UBE2Q2: variants seen among roughly 807,000 people sequenced by gnomAD.
UBE2Q2 encodes the protein ubiquitin conjugating enzyme E2 Q2.
In UBE2Q2, 54 loss-of-function variants were observed where a neutral mutation model predicts 59.9. That is an observed-to-expected ratio of 0.90 (90% CI 0.72 to 1.13). UBE2Q2 has a LOEUF of 1.13. UBE2Q2 is among the 50% of genes most tolerant of loss of function. UBE2Q2 has a pLI of 0.00. For missense variants in UBE2Q2, 433 were observed against 441.9 expected (o/e 0.98, Z 0.18); for synonymous variants, 165 against 155.2 (o/e 1.06, Z -0.47).
At position 75,890,941 on chromosome 15, in the gene UBE2Q2, T is replaced by C; in HGVS notation, c.956T>C (p.Ile319Thr). 1 of 1,612,902 alleles carries C rather than the reference T, an allele frequency of 6.2e-7. No individual in the cohort carries two copies. Among genetic ancestry groups the C allele is most frequent in the Non-Finnish European group, 8.5e-7 (1 of 1,179,906 alleles). ...TAGGGCTGGAGCAGTGCCTACTCAA[T>C]AGAATCGGTCATCATGCAAATAAAT... ...TKQGWSSAYSIESVIMQINAT... is the reference protein window; with the variant it reads ...TKQGWSSAYSTESVIMQINAT... The change falls in exon 11 of 13, where the codon ATA becomes ACA. Residue 319 changes from isoleucine to threonine, a missense_variant. Transcript: ENST00000267938.
intron 3 of UBE2Q2, among the ~76,000 whole-genome samples, chr15:75,867,988 A>T (rs1002069497): frequency 1.3e-5 from 2 of 152,238 alleles, no homozygotes; most frequent in Non-Finnish European, 2.9e-5. Flanking sequence ...GCAGATTTAA[A>T]GGAAATACAA....
At chr15:75,885,594 C>T (rs1383124331) in intron 9 of UBE2Q2, among the ~76,000 whole-genome samples, 1 of 152,178 alleles carries the variant, frequency 6.6e-6, no homozygotes, top group Non-Finnish European at 1.5e-5. Context: ...GGCTTACTCT[C>T]TGGGAAAGGC....
intron 3 of UBE2Q2, among the ~76,000 whole-genome samples, chr15:75,863,862 G>C (rs768435929): frequency 6.6e-6 from 1 of 151,918 alleles, no homozygotes; most frequent in South Asian, 2.1e-4. Flanking sequence ...GGCTGGTCTC[G>C]AACTCCTGAC....
chr15:75,883,249 T>TA (rs1898544018), intron 8 of UBE2Q2, 117 bp from the exon 9 acceptor site: 1 of 956,466 alleles, frequency 1.0e-6, no homozygotes, highest in East Asian at 2.9e-5. Context: ...TTATGACTCT[T>TA]ACCCATTATC....
intron 3 of UBE2Q2, among the ~76,000 whole-genome samples, chr15:75,862,736 G>A (rs964400627): frequency 6.1e-5 from 9 of 146,738 alleles, no homozygotes; most frequent in African/African-American, 2.3e-4. Context: ...GATCAGTTGA[G>A]CCTATGAGGT....
intron 1 of UBE2Q2, among the ~76,000 whole-genome samples, chr15:75,853,364 G>A (rs1896732535): frequency 1.3e-5 from 2 of 152,026 alleles, no homozygotes; most frequent in South Asian, 2.1e-4. Flanking sequence ...CCAGCTACTC[G>A]GGAGGCTGAG....
chr15:75,866,606 A>G (rs16967559), intron 3 of UBE2Q2, among the ~76,000 whole-genome samples: 25,759 of 152,038 alleles, frequency 0.17, 2,605 homozygotes, highest in South Asian at 0.36. Flanking sequence ...TATATCTTCA[A>G]TGTCCCTTAA....
Position 75,900,017 on chromosome 15 carries a change from G to A in UBE2Q2, c.*559G>A, listed in dbSNP as rs1406967520. 2 of 152,612 alleles carry A rather than the reference G, an allele frequency of 1.3e-5. No homozygotes were observed. Among genetic ancestry groups the A allele is most frequent in the Non-Finnish European group, 2.9e-5 (2 of 68,076 alleles). 9.5% of individuals were successfully genotyped at this position (152,612 alleles called of 1,614,324 possible). A position where few individuals can be genotyped will look rare whatever the true frequency, so the allele number is the denominator to read the frequency against. On this transcript the variant is annotated 3_prime_UTR_variant, in exon 13 of 13. Coordinates refer to ENST00000267938, the MANE Select transcript of UBE2Q2 (RefSeq NM_173469.4). ...TAATGACTATGTGAAGATATGAATTGTTTCCTGAAGATAATACTCTTAATT... is the reference window on the plus strand; with the variant it reads ...TAATGACTATGTGAAGATATGAATTATTTCCTGAAGATAATACTCTTAATT...
chr15:75,862,299 T>G (rs1567022716), intron 3 of UBE2Q2, among the ~76,000 whole-genome samples: 1 of 152,154 alleles, frequency 6.6e-6, no homozygotes, highest in Admixed American at 6.5e-5. Flanking sequence ...TTATTCATAT[T>G]CTATTTTTGT....
chr15:75,862,814 C>CAAA (rs71140182), intron 3 of UBE2Q2, among the ~76,000 whole-genome samples: 11 of 53,912 alleles, frequency 2.0e-4, no homozygotes, highest in African/African-American at 5.6e-4. Context: ...AACCCTATCT[C>CAAA]AAAAAAAAAA....
intron 3 of UBE2Q2, 50 bp downstream of exon 3, chr15:75,860,032 C>A: frequency 1.5e-6 from 2 of 1,308,464 alleles, no homozygotes; most frequent in East Asian, 2.4e-5. Context: ...TTGTCTCAAG[C>A]AAAAGTCAAA....
Position 75,899,649 on chromosome 15 carries a change from T to C in UBE2Q2, c.*191T>C. 1 of 407,048 alleles carries C rather than the reference T, an allele frequency of 2.5e-6. No homozygotes were observed. Among genetic ancestry groups the C allele is most frequent in the Non-Finnish European group, 4.4e-6 (1 of 229,702 alleles). 25.2% of individuals were successfully genotyped at this position (407,048 alleles called of 1,614,324 possible). On this transcript the variant is annotated 3_prime_UTR_variant, in exon 13 of 13. Coordinates refer to ENST00000267938, the MANE Select transcript of UBE2Q2 (RefSeq NM_173469.4). The stretch of plus-strand genomic sequence containing the variant: ...TTGCATTTTGCTCATTTTAGATATC[T>C]TGGACTGAGCAGTGGGGCCTTTACT...
intron 1 of UBE2Q2, among the ~76,000 whole-genome samples, chr15:75,851,983 C>T (rs1162439230): frequency 6.6e-6 from 1 of 152,234 alleles, no homozygotes; most frequent in Non-Finnish European, 1.5e-5. Flanking sequence ...ATCAATCCTT[C>T]TGCCTCAGCC....
chr15:75,900,082 G>C lies in UBE2Q2; in HGVS notation c.*624G>C, dbSNP rs1567047290. The C allele has an allele frequency of 6.6e-6, 1 of 151,402 alleles. No homozygotes were observed. The highest frequency in any genetic ancestry group is 1.5e-5 in the Non-Finnish European group (1 of 67,252). The allele number at this position is 151,402 out of a possible 1,614,324, so 9.4% of individuals were successfully genotyped here. On this transcript the variant is annotated 3_prime_UTR_variant, in exon 13 of 13. Coordinates refer to ENST00000267938, the MANE Select transcript of UBE2Q2 (RefSeq NM_173469.4). ...TTCTTAGGCAAAGCAGTGTAAAACTGTATCAATTAAGGCTTGTGAGTAGTG... is the reference window on the plus strand; with the variant it reads ...TTCTTAGGCAAAGCAGTGTAAAACTCTATCAATTAAGGCTTGTGAGTAGTG...
chr15:75,876,430 A>T (rs1898085320), intron 6 of UBE2Q2, among the ~76,000 whole-genome samples, 159 bp downstream of exon 6: 1 of 152,242 alleles, frequency 6.6e-6, no homozygotes. Context: ...CAAAAGATGT[A>T]GGAGTAAAAT....
At chr15:75,866,682 AT>A (rs1445738002) in intron 3 of UBE2Q2, among the ~76,000 whole-genome samples, 1 of 151,802 alleles carries the variant, frequency 6.6e-6, no homozygotes, top group Non-Finnish European at 1.5e-5. Context: ...TTCTAAGGAA[AT>A]GTCACTGTTT....
chr15:75,860,653 C>T (rs886761299), intron 3 of UBE2Q2, among the ~76,000 whole-genome samples: 1 of 151,932 alleles, frequency 6.6e-6, no homozygotes, highest in African/African-American at 2.4e-5. Flanking sequence ...CAGTGTCTTC[C>T]TCATAATAGT....
intron 9 of UBE2Q2, among the ~76,000 whole-genome samples, chr15:75,886,865 AT>A (rs560998527): frequency 1.4e-3 from 200 of 145,896 alleles, no homozygotes; most frequent in Admixed American, 1.5e-3. Flanking sequence ...TCCGTCTCAA[AT>A]TTTTTTTTTT....
intron 8 of UBE2Q2, among the ~76,000 whole-genome samples, chr15:75,881,355 A>C (rs1406038666): frequency 6.6e-6 from 1 of 151,922 alleles, no homozygotes; most frequent in Non-Finnish European, 1.5e-5. Context: ...ATTTGTGACT[A>C]TAGGTAGTGT....
Sources: gnomAD v4.1 joint callset for allele counts (sites outside exome capture counted in the v4.1 genomes callset) on GRCh38, gnomAD v4.1.1 for gene constraint, MANE v1.5 for transcripts, NCBI Gene and HGNC (gene_info 2026-07-23, HGNC 2026-07-21) for gene names.